SEMA5A: variants seen among roughly 807,000 people sequenced by gnomAD.
SEMA5A encodes the protein semaphorin-5A.
In SEMA5A, 55 loss-of-function variants were observed where a neutral mutation model predicts 135.5. That is an observed-to-expected ratio of 0.41 (90% CI 0.33 to 0.51). The LOEUF is 0.51. SEMA5A is among the 20% of genes least tolerant of loss of function. The pLI, the probability that SEMA5A is intolerant of heterozygous loss-of-function variation, is 0.37. For synonymous variants in SEMA5A, 580 were observed against 546.5 expected (o/e 1.06, Z -0.85); for missense variants, 1,290 against 1,419.9 (o/e 0.91, Z 1.47).
intron 8 of SEMA5A, 92 bp from the exon 9 acceptor site, chr5:9,202,332 G>A: frequency 7.2e-7 from 1 of 1,379,606 alleles, no homozygotes; most frequent in Non-Finnish European, 9.9e-7. Context: ...AAGAGACGTG[G>A]TTTTGTTTAG....
intron 1 of SEMA5A, among the ~76,000 whole-genome samples, chr5:9,493,448 T>A (rs2126804735): frequency 6.6e-6 from 1 of 152,116 alleles, no homozygotes; most frequent in South Asian, 2.1e-4. Flanking sequence ...GTGAGACTCC[T>A]CAAGAATGAT....
chr5:9,357,062 G>A (rs771750959), intron 3 of SEMA5A, among the ~76,000 whole-genome samples: 1 of 152,152 alleles, frequency 6.6e-6, no homozygotes, highest in Non-Finnish European at 1.5e-5. Context: ...ACAGGGCTTT[G>A]ACTGTTTCCT....
At chr5:9,407,921 C>T (rs1221379071) in intron 2 of SEMA5A, among the ~76,000 whole-genome samples, 1 of 151,970 alleles carries the variant, frequency 6.6e-6, no homozygotes, top group African/African-American at 2.4e-5. Context: ...AATACCACTA[C>T]CATGACCACC....
chr5:9,273,521 C>T (rs942989388), intron 5 of SEMA5A, among the ~76,000 whole-genome samples: 5 of 151,822 alleles, frequency 3.3e-5, no homozygotes, highest in Non-Finnish European at 4.4e-5. Flanking sequence ...AAGAGCAACC[C>T]CAAGACACAT....
At chr5:9,300,583 T>C (rs1434429066) in intron 5 of SEMA5A, among the ~76,000 whole-genome samples, 1 of 152,218 alleles carries the variant, frequency 6.6e-6, no homozygotes, top group Non-Finnish European at 1.5e-5. Context: ...TCCTGAATAC[T>C]ACCTGAATTG....
At chr5:9,436,329 G>C (rs1004250237) in intron 2 of SEMA5A, among the ~76,000 whole-genome samples, 2 of 152,202 alleles carry the variant, frequency 1.3e-5, no homozygotes, top group East Asian at 3.8e-4. Context: ...CTCCATGGGG[G>C]AGGGAACGGG....
At position 9,088,659 on chromosome 5, in the gene SEMA5A, T is replaced by TACACACACACAC. The variant is rs1554026678; in HGVS notation, c.2073+19469_2073+19480dup. On this transcript the variant is annotated intron_variant, in intron 16 of 22. Coordinates refer to ENST00000382496, the MANE Select transcript of SEMA5A (RefSeq NM_003966.3). ...TATAATATATATATATATATATATATACACACACACACTCATGGAATTCCA... is the reference window on the plus strand; with the variant it reads ...TATAATATATATATATATATATATATACACACACACACACACACACACACTCATGGAATTCCA... Among the ~76,000 whole-genome samples the TACACACACACAC allele has an allele frequency of 2.3e-3, 257 of 111,934 alleles. 1 individual carries two copies. Among genetic ancestry groups the TACACACACACAC allele is most frequent in the Non-Finnish European group, 3.4e-3 (193 of 56,538 alleles). The allele number at this position is 111,934 out of a possible 152,430, so 73.4% of individuals were successfully genotyped here. A position where few individuals can be genotyped will look rare whatever the true frequency, so the allele number is the denominator to read the frequency against.
intron 1 of SEMA5A, among the ~76,000 whole-genome samples, chr5:9,467,769 G>T (rs1020022107): frequency 6.6e-6 from 1 of 152,300 alleles, no homozygotes; most frequent in Admixed American, 6.5e-5. Context: ...GCCTAAGCCC[G>T]CCCTGGCCCA....
rs371329082 is a variant in SEMA5A at position 9,104,526 on chromosome 5, TTTCTA to T, written c.2073+3609_2073+3613del. 1.9e-3 allele frequency among the ~76,000 whole-genome samples: 294 copies of T among 152,346 alleles called. 1 individual carries two copies. Among genetic ancestry groups the T allele is most frequent in the African/African-American group, 6.7e-3 (279 of 41,592 alleles). On this transcript the variant is annotated intron_variant, in intron 16 of 22. Transcript: ENST00000382496. ...AACACACATATGACAGTGACAATCA[TTTCTA>T]TTTTATAAATGTCTATGTTAGACTT...
chr5:9,277,342 T>C (rs1433423274), intron 5 of SEMA5A, among the ~76,000 whole-genome samples: 2 of 152,122 alleles, frequency 1.3e-5, no homozygotes, highest in Admixed American at 6.5e-5. Context: ...TGTTGAGAAA[T>C]AGGAATGCTT....
intron 5 of SEMA5A, among the ~76,000 whole-genome samples, chr5:9,304,494 C>A (rs1212920841): frequency 2.3e-5 from 3 of 132,440 alleles, no homozygotes; most frequent in Non-Finnish European, 4.9e-5. Context: ...ACACTCAATT[C>A]ATAAAGAAAT....
At chr5:9,263,302 G>A (rs958587572) in intron 5 of SEMA5A, among the ~76,000 whole-genome samples, 3 of 152,154 alleles carry the variant, frequency 2.0e-5, no homozygotes, top group Non-Finnish European at 4.4e-5. Context: ...GAACCAGGCC[G>A]CACAGCATGA....
At chr5:9,405,124 C>A (rs905677370) in intron 2 of SEMA5A, among the ~76,000 whole-genome samples, 1 of 152,138 alleles carries the variant, frequency 6.6e-6, no homozygotes, top group African/African-American at 2.4e-5. Context: ...TTTCTGAGAC[C>A]GTGTGCACAT....
At chr5:9,312,867 C>T (rs1274886691) in intron 5 of SEMA5A, among the ~76,000 whole-genome samples, 1 of 152,136 alleles carries the variant, frequency 6.6e-6, no homozygotes, top group Non-Finnish European at 1.5e-5. Flanking sequence ...GGAGCCACCC[C>T]ACAAAAGCCT....
At chr5:9,488,654 A>G (rs866640972) in intron 1 of SEMA5A, among the ~76,000 whole-genome samples, 2 of 152,132 alleles carry the variant, frequency 1.3e-5, no homozygotes, top group East Asian at 1.9e-4. Flanking sequence ...GATGCGGCCT[A>G]TGCTCTCTCA....
chr5:9,122,406 A>G (rs1015238769), intron 14 of SEMA5A, among the ~76,000 whole-genome samples: 13 of 152,240 alleles, frequency 8.5e-5, no homozygotes, highest in Non-Finnish European at 1.9e-4. Flanking sequence ...AACAAAGCCA[A>G]TCATATTGTC....
intron 1 of SEMA5A, among the ~76,000 whole-genome samples, chr5:9,543,967 T>C (rs1738235218): frequency 6.6e-6 from 1 of 152,212 alleles, no homozygotes; most frequent in Non-Finnish European, 1.5e-5. Flanking sequence ...TATTATCTGC[T>C]TGAACTGAAG....
chr5:9,467,819 T>C (rs1167511903), intron 1 of SEMA5A, among the ~76,000 whole-genome samples: 2 of 152,202 alleles, frequency 1.3e-5, no homozygotes. Context: ...GCTGGTTCCT[T>C]GTGCAGAATT....
At chr5:9,460,053 AG>A (rs1378207471) in intron 1 of SEMA5A, among the ~76,000 whole-genome samples, 1 of 152,240 alleles carries the variant, frequency 6.6e-6, no homozygotes, top group Non-Finnish European at 1.5e-5. Context: ...TGGAGAGTTC[AG>A]CTTTTAAATT....
Sources: gnomAD v4.1 joint callset for allele counts (sites outside exome capture counted in the v4.1 genomes callset) on GRCh38, gnomAD v4.1.1 for gene constraint, MANE v1.5 for transcripts, NCBI Gene and HGNC (gene_info 2026-07-23, HGNC 2026-07-21) for gene names.